Variants in SLC49A3 observed in about 807,000 individuals in gnomAD.
The protein encoded by SLC49A3 is solute carrier family 49 member A3.
A neutral mutation model predicts 43.8 loss-of-function variants in SLC49A3; 50 were observed. That is an observed-to-expected ratio of 1.14 (90% CI 0.91 to 1.45). The LOEUF is 1.45. Among genes scored for constraint, SLC49A3 ranks in the 40% most tolerant of loss-of-function variants. The probability of loss-of-function intolerance (pLI) is 0.00; values close to 1 mark genes in which losing one functional copy is unlikely to be tolerated. For missense variants in SLC49A3, 906 were observed against 774.1 expected, an observed-to-expected ratio of 1.17 and a Z score of -2.02; for synonymous variants, 413 against 352.0, an observed-to-expected ratio of 1.17 and a Z score of -1.94.
Position 684,552 on chromosome 4 carries a change from TCCC to T in SLC49A3, c.768_770del (p.Gly257del), listed in dbSNP as rs747514878. ...AGAAGCTGGCAGAGATCCCGATCAT[TCCC>T]CCCAAGCACACAGCCAGGATGACAT... On this transcript the variant is annotated inframe_deletion, in exon 6 of 10. Coordinates refer to ENST00000322224, the MANE Select transcript of SLC49A3 (RefSeq NM_032219.4). The T allele has an allele frequency of 2.1e-5, 34 of 1,612,538 alleles. No homozygotes were observed. Among genetic ancestry groups the T allele is most frequent in the Non-Finnish European group, 2.7e-5 (32 of 1,179,828 alleles).
chr4:680,568 G>C, downstream of SLC49A3: 2 of 1,613,432 alleles, frequency 1.2e-6, no homozygotes, highest in Non-Finnish European at 1.7e-6. Context: ...GGACGGGAAA[G>C]GGAAAATCAA....
Position 689,060 on chromosome 4 carries a change from T to C in SLC49A3, c.68A>G (p.His23Arg), listed in dbSNP as rs1336681713. 1 of 1,577,492 alleles carries C rather than the reference T, an allele frequency of 6.3e-7. No individual in the cohort carries two copies. Among genetic ancestry groups the C allele is most frequent in the South Asian group, 1.1e-5 (1 of 88,898 alleles). Residue 23 changes from histidine to arginine, a missense_variant, in exon 1 of 10, where the codon CAC (histidine) becomes CGC (arginine). His to Arg is a conservative substitution (Grantham distance 29, BLOSUM62 0). Coordinates refer to ENST00000322224, the MANE Select transcript of SLC49A3 (RefSeq NM_032219.4). ...EPRALCAQRG[H>R]RTYARRWVFL... ...CACCCAGCGGCGCGCGTAGGTGCGG[T>C]GGCCCCGCTGCGCGCACAGGGCCCG...
chr4:679,012 A>T (rs754207382), downstream of SLC49A3: 8 of 1,613,774 alleles, frequency 5.0e-6, no homozygotes, highest in Non-Finnish European at 5.9e-6. Context: ...GGAGGACCTG[A>T]AGGACACCTA....
downstream of SLC49A3, chr4:681,268 C>A: frequency 8.9e-7 from 1 of 1,127,814 alleles, no homozygotes; most frequent in African/African-American, 1.6e-5. Flanking sequence ...AACAGGCCCC[C>A]GGGGGGCTCC....
intron 9 of SLC49A3, 122 bp from the exon 10 acceptor site, chr4:682,498 C>G (rs571472936): frequency 9.3e-7 from 1 of 1,077,008 alleles, no homozygotes; most frequent in African/African-American, 1.6e-5. Flanking sequence ...AGACGGAGAG[C>G]CCACTCGCAG....
At chr4:687,500 C>T (rs2109453264) in intron 1 of SLC49A3, among the ~76,000 whole-genome samples, 1 of 152,332 alleles carries the variant, frequency 6.6e-6, no homozygotes, top group East Asian at 1.9e-4. Context: ...ACGAGCTCCC[C>T]AGGCCCAGCT....
downstream of SLC49A3, among the ~76,000 whole-genome samples, chr4:681,632 C>G (rs1038678994): frequency 3.3e-4 from 29 of 87,632 alleles, 1 homozygote; most frequent in African/African-American, 7.0e-4. Context: ...CCCGCCCCCT[C>G]CAGCGCCGCC....
At chr4:689,186 T>A (rs1228986515), upstream of SLC49A3, 2 of 1,206,090 alleles carry the variant, frequency 1.7e-6, no homozygotes, top group Non-Finnish European at 2.1e-6. Flanking sequence ...TTAAGGACCT[T>A]CCCGCGTGGG....
chr4:685,034 G>A lies in SLC49A3; in HGVS notation c.586-178C>T, dbSNP rs913880908. 1.2e-6 allele frequency: 1 copy of A among 802,272 alleles called. No individual in the cohort carries two copies. The highest frequency in any genetic ancestry group is 2.0e-5 in the South Asian group (1 of 49,792). The allele number at this position is 802,272 out of a possible 1,614,324, so 49.7% of individuals were successfully genotyped here. A position where few individuals can be genotyped will look rare whatever the true frequency, so the allele number is the denominator to read the frequency against. On this transcript the variant is annotated intron_variant, in intron 4 of 9. Coordinates refer to ENST00000322224, the MANE Select transcript of SLC49A3 (RefSeq NM_032219.4). The surrounding 1 kb of genome is among the most constrained non-coding windows in gnomAD (Gnocchi z 4.3). The stretch of plus-strand genomic sequence containing the variant: ...CAGGCTGGGAGGGGCCTGCTCCAGG[G>A]GCTCATGGGGACCCCTGGCTGTCAA...
chr4:678,907 G>C (rs762633447), downstream of SLC49A3: 28 of 1,611,030 alleles, frequency 1.7e-5, no homozygotes, highest in Non-Finnish European at 2.3e-5. Flanking sequence ...CAGGGGGCGG[G>C]GCAGAGCCCA....
At position 682,195 on chromosome 4, in the gene SLC49A3, G is replaced by T; in HGVS notation, c.1443C>A (p.Val481=). 1 of 1,366,260 alleles carries T rather than the reference G, an allele frequency of 7.3e-7. No homozygotes were observed. Among genetic ancestry groups the T allele is most frequent in the African/African-American group, 1.5e-5 (1 of 66,326 alleles). 84.6% of individuals were successfully genotyped at this position (1,366,260 alleles called of 1,614,324 possible). Residue 481 remains valine, a synonymous_variant, in exon 10 of 10, where the codon GTC becomes GTA. Transcript: ENST00000322224. ...VDRGGAGRAG[V]LGPSTATPEC... ...CCGGAGTCGCCGTGCTGGGCCCCAG[G>T]ACCCCAGCCCTTCCTGCTCCCCCTC...
At chr4:678,338 A>C (rs1305062617), downstream of SLC49A3, 2 of 1,416,936 alleles carry the variant, frequency 1.4e-6, no homozygotes, top group East Asian at 2.6e-5. Flanking sequence ...GCCCACCCAG[A>C]GTCCACTTGC....
chr4:681,952 G>A lies in SLC49A3; in HGVS notation c.*6C>T, dbSNP rs1448739716. On this transcript the variant is annotated 3_prime_UTR_variant, in exon 10 of 10. Transcript: ENST00000322224. ...TGGCGGGCAACCTGGACTACAAGGCGCTCAGCTACGTGATCACCCACGGGG... is the reference window on the plus strand; with the variant it reads ...TGGCGGGCAACCTGGACTACAAGGCACTCAGCTACGTGATCACCCACGGGG... The A allele has an allele frequency of 3.7e-6, 5 of 1,353,092 alleles. No individual in the cohort carries two copies. Among genetic ancestry groups the A allele is most frequent in the South Asian group, 2.1e-5 (1 of 48,526 alleles). 83.8% of individuals were successfully genotyped at this position (1,353,092 alleles called of 1,614,324 possible).
intron 8 of SLC49A3, 102 bp downstream of exon 8, chr4:683,108 T>TC: frequency 1.8e-5 from 27 of 1,476,164 alleles, no homozygotes; most frequent in Non-Finnish European, 2.3e-5. Flanking sequence ...GTTCCCCACC[T>TC]CCCCGAAAAG....
chr4:680,403 G>A, downstream of SLC49A3: 1 of 1,177,048 alleles, frequency 8.5e-7, no homozygotes, highest in South Asian at 1.3e-5. Flanking sequence ...CAGAGGCTTG[G>A]AGTCTCCCCC....
chr4:677,864 C>G (rs1001208988), downstream of SLC49A3: 5 of 1,240,300 alleles, frequency 4.0e-6, no homozygotes, highest in African/African-American at 7.4e-5. Flanking sequence ...GCCAGGCTGC[C>G]AAAGCTCACT....
upstream of SLC49A3, chr4:689,190 G>T (rs921719708): frequency 3.4e-6 from 4 of 1,192,330 alleles, no homozygotes; most frequent in Middle Eastern, 9.8e-4. Context: ...GGACCTTCCC[G>T]CGTGGGCCGG....
chr4:686,756 C>G (rs1560176868), intron 1 of SLC49A3, 66 bp from the exon 2 acceptor site: 8 of 1,557,320 alleles, frequency 5.1e-6, no homozygotes, highest in Non-Finnish European at 7.0e-6. Flanking sequence ...GTGGCCCCAG[C>G]CAGCCCGAGG....
At chr4:684,193 G>C (rs1176161762) in intron 6 of SLC49A3, among the ~76,000 whole-genome samples, 1 of 152,172 alleles carries the variant, frequency 6.6e-6, no homozygotes, top group East Asian at 1.9e-4. Flanking sequence ...GGGCCTTGCT[G>C]GGAAGGGGCA....
Sources: allele counts gnomAD v4.1 joint callset (sites outside exome capture counted in the v4.1 genomes callset), GRCh38; gene constraint gnomAD v4.1.1; non-coding constraint Gnocchi (gnomAD v3.1); transcripts MANE v1.5; gene names NCBI Gene and HGNC (gene_info 2026-07-23, HGNC 2026-07-21).